Variants in CRLF3 observed in about 807,000 individuals in gnomAD.
CRLF3 encodes the protein cytokine receptor like factor 3.
CRLF3 carries 33 observed loss-of-function variants against 55.0 expected under a neutral mutation model. The observed-to-expected ratio is 0.60, with a 90% CI of 0.46 to 0.80. The LOEUF (loss-of-function observed/expected upper bound fraction) is 0.80. CRLF3 is among the 30% of genes least tolerant of loss of function. CRLF3 has a pLI of 0.00. For synonymous variants in CRLF3, 238 were observed against 196.8 expected, an observed-to-expected ratio of 1.21 and a Z score of -1.75; for missense variants, 494 against 538.4, an observed-to-expected ratio of 0.92 and a Z score of 0.82.
At chr17:30,804,560 T>G (rs982354055) in intron 1 of CRLF3, among the ~76,000 whole-genome samples, 1 of 152,260 alleles carries the variant, frequency 6.6e-6, no homozygotes, top group Non-Finnish European at 1.5e-5. Context: ...TTTTAGATTC[T>G]ACATATGAGA....
intron 2 of CRLF3, 137 bp from the exon 3 acceptor site, chr17:30,797,535 G>A: frequency 1.5e-6 from 1 of 675,122 alleles, no homozygotes; most frequent in South Asian, 1.7e-5. Context: ...TTCCCAAAAA[G>A]TTAAAGTAGA....
intron 7 of CRLF3, 125 bp from the exon 8 acceptor site, chr17:30,784,568 C>A (rs1971590781): frequency 5.0e-6 from 4 of 798,676 alleles, no homozygotes; most frequent in Non-Finnish European, 7.9e-6. Context: ...GGAATGCCAA[C>A]TGGACATAGA....
At chr17:30,800,061 AAAG>A (rs1469879038) in intron 2 of CRLF3, among the ~76,000 whole-genome samples, 1 of 152,228 alleles carries the variant, frequency 6.6e-6, no homozygotes, top group East Asian at 1.9e-4. Context: ...AGTGGGACCA[AAAG>A]AAGATTAACT....
At chr17:30,800,619 A>C (rs868734524) in intron 2 of CRLF3, among the ~76,000 whole-genome samples, 8 of 151,964 alleles carry the variant, frequency 5.3e-5, no homozygotes, top group South Asian at 2.1e-4. Context: ...AAAAAAAAAA[A>C]AACTCTGTCT....
Position 30,811,211 on chromosome 17 carries a change from T to C in CRLF3, c.130-7103A>G, listed in dbSNP as rs577727646. Among the ~76,000 whole-genome samples the C allele has an allele frequency of 4.0e-5, 6 of 151,398 alleles. No homozygotes were observed. The South Asian group carries it at 1.0e-3, about 26-fold the overall frequency. On this transcript the variant is annotated intron_variant, in intron 1 of 7. Coordinates refer to ENST00000324238, the MANE Select transcript of CRLF3 (RefSeq NM_015986.4). ...GGCTTACGCCTGTAATCCTAGGATT[T>C]TGGGAGGCTGAGGCAGGTGGATTGC...
chr17:30,797,422 A>G, intron 2 of CRLF3, 24 bp from the exon 3 acceptor site: 1 of 1,576,150 alleles, frequency 6.3e-7, no homozygotes, highest in Non-Finnish European at 8.7e-7. Flanking sequence ...TAAGAGAACT[A>G]GAACAATGAA....
chr17:30,803,993 T>C lies in CRLF3; in HGVS notation c.245A>G (p.Asp82Gly), dbSNP rs1972047219. Reference sequence around the variant, plus strand: ...TTTAATGGTCTCCTGTTCAATGGTGTCCACCTCTTGCAAAAGGGTCACCAA... The same window carrying C: ...TTTAATGGTCTCCTGTTCAATGGTGCCCACCTCTTGCAAAAGGGTCACCAA... The part of the protein sequence containing the change: ...ERLVTLLQEV[D>G]TIEQETIKPL... The change falls in exon 2 of 8, where the codon GAC becomes GGC. Residue 82 changes from aspartate to glycine, a missense_variant. Physicochemically the swap from Asp to Gly is moderately conservative, Grantham distance 94. Coordinates refer to ENST00000324238, the MANE Select transcript of CRLF3 (RefSeq NM_015986.4). The C allele has an allele frequency of 1.2e-6, 2 of 1,612,612 alleles. No homozygotes were observed. Among genetic ancestry groups the C allele is most frequent in the Non-Finnish European group, 1.7e-6 (2 of 1,179,714 alleles).
intron 1 of CRLF3, among the ~76,000 whole-genome samples, chr17:30,815,292 G>C (rs1324418859): frequency 1.3e-5 from 2 of 151,446 alleles, no homozygotes; most frequent in Admixed American, 1.3e-4. Context: ...CAGCATGTTG[G>C]CCAGGCTGGT....
At position 30,784,136 on chromosome 17, in the gene CRLF3, C is replaced by T. The variant is rs1173298693; in HGVS notation, c.*51G>A. The T allele has an allele frequency of 6.4e-7, 1 of 1,551,266 alleles. No homozygotes were observed. Among genetic ancestry groups the T allele is most frequent in the Non-Finnish European group, 8.8e-7 (1 of 1,141,190 alleles). Reference sequence around the variant, plus strand: ...TTAAAGCAATTACAACTACGCTGGGCTGAGGACAGCTACGTTAGACCCTGA... The same window carrying T: ...TTAAAGCAATTACAACTACGCTGGGTTGAGGACAGCTACGTTAGACCCTGA... On this transcript the variant is annotated 3_prime_UTR_variant, in exon 8 of 8. Transcript: ENST00000324238.
chr17:30,808,759 AT>A lies in CRLF3; in HGVS notation c.130-4652del, dbSNP rs540238874. ...AGGCATGCGCCACCAAGCCCAGCTAATTTTTTTGTATTTTTAGTAGAGACGG... is the reference window on the plus strand; with the variant it reads ...AGGCATGCGCCACCAAGCCCAGCTAATTTTTTGTATTTTTAGTAGAGACGG... On this transcript the variant is annotated intron_variant, in intron 1 of 7. Transcript: ENST00000324238. Among the ~76,000 whole-genome samples, 419 of 150,742 alleles carry A rather than the reference AT, an allele frequency of 2.8e-3. 1 individual carries two copies. Among genetic ancestry groups the A allele is most frequent in the African/African-American group, 9.9e-3 (406 of 40,954 alleles).
chr17:30,785,858 T>C, intron 7 of CRLF3, 61 bp downstream of exon 7: 1 of 895,364 alleles, frequency 1.1e-6, no homozygotes, highest in East Asian at 2.5e-5. Flanking sequence ...CTGGAACAGA[T>C]TCACATATTA....
chr17:30,791,312 C>T lies in CRLF3; in HGVS notation c.959+1128G>A, dbSNP rs570563519. ...TGTCTTGATCTCCTAACCTTGTGAT[C>T]CACCCACCTCAGCCTCCCGAAGTGC... is the stretch of plus-strand genomic sequence containing the variant. On this transcript the variant is annotated intron_variant, in intron 6 of 7. Coordinates refer to ENST00000324238, the MANE Select transcript of CRLF3 (RefSeq NM_015986.4). Among the ~76,000 whole-genome samples the T allele has an allele frequency of 1.0e-3, 155 of 151,900 alleles. 2 individuals carry two copies. The highest frequency in any genetic ancestry group is 1.6e-3 in the Admixed American group (24 of 15,218).
chr17:30,819,186 G>C (rs1904912238), intron 1 of CRLF3, among the ~76,000 whole-genome samples: 1 of 152,188 alleles, frequency 6.6e-6, no homozygotes, highest in Non-Finnish European at 1.5e-5. Context: ...ACTTGCTTTT[G>C]TCAGTGTCCT....
chr17:30,790,335 A>AC (rs1351832451), intron 6 of CRLF3, among the ~76,000 whole-genome samples: 1 of 152,190 alleles, frequency 6.6e-6, no homozygotes, highest in East Asian at 1.9e-4. Context: ...CTAAGTCAAA[A>AC]CTGGTCTTTA....
chr17:30,789,092 C>T (rs1402462182), intron 6 of CRLF3, among the ~76,000 whole-genome samples: 1 of 152,036 alleles, frequency 6.6e-6, no homozygotes, highest in African/African-American at 2.4e-5. Flanking sequence ...TTCCTTTAAA[C>T]AAGGGGAGAA....
intron 4 of CRLF3, among the ~76,000 whole-genome samples, chr17:30,794,272 C>T (rs1477697600): frequency 1.3e-5 from 2 of 152,086 alleles, no homozygotes; most frequent in Admixed American, 6.6e-5. Context: ...TCTCCCACAA[C>T]CATACATCAT....
intron 3 of CRLF3, 55 bp from the exon 4 acceptor site, chr17:30,796,392 C>G (rs1442461549): frequency 1.4e-6 from 2 of 1,423,696 alleles, no homozygotes; most frequent in African/African-American, 1.4e-5. Flanking sequence ...TTAAAAAATA[C>G]AAGAAATATT....
At chr17:30,790,422 CTT>C (rs1971766274) in intron 6 of CRLF3, among the ~76,000 whole-genome samples, 1 of 151,954 alleles carries the variant, frequency 6.6e-6, no homozygotes, top group Non-Finnish European at 1.5e-5. Flanking sequence ...AAAAAAGAAA[CTT>C]TTCCATTACA....
At chr17:30,791,181 C>T (rs1041349326) in intron 6 of CRLF3, among the ~76,000 whole-genome samples, 5 of 151,984 alleles carry the variant, frequency 3.3e-5, no homozygotes, top group South Asian at 2.1e-4. Context: ...AGTGATTCTC[C>T]TGCCTCACTC....
Sources: allele counts gnomAD v4.1 joint callset (sites outside exome capture counted in the v4.1 genomes callset), GRCh38; gene constraint gnomAD v4.1.1; transcripts MANE v1.5; gene names NCBI Gene and HGNC (gene_info 2026-07-23, HGNC 2026-07-21).